The following CNTN4 variants were observed in gnomAD, a reference collection of about 807,000 sequenced individuals.
CNTN4 encodes contactin-4.
Under a neutral mutation model 122.5 loss-of-function variants are expected in CNTN4, and 77 were observed. The ratio of observed to expected loss-of-function variants is 0.63; its 90% confidence interval spans 0.52 to 0.76. The LOEUF is 0.76. Among genes scored for constraint, CNTN4 ranks in the 30% least tolerant of loss-of-function variants. CNTN4 has a pLI of 0.00. For missense variants in CNTN4, 1,256 were observed against 1,259.1 expected, an observed-to-expected ratio of 1.00 and a Z score of 0.04; for synonymous variants, 512 against 447.0, an observed-to-expected ratio of 1.15 and a Z score of -1.83.
chr3:2,937,917 G>T (rs12488436), intron 13 of CNTN4, among the ~76,000 whole-genome samples: 1 of 152,100 alleles, frequency 6.6e-6, no homozygotes, highest in Non-Finnish European at 1.5e-5. Flanking sequence ...GAAATGAGGG[G>T]AAGAGAGGGA....
chr3:2,188,269 A>C (rs527597053), intron 2 of CNTN4, among the ~76,000 whole-genome samples: 1 of 152,180 alleles, frequency 6.6e-6, no homozygotes, highest in Non-Finnish European at 1.5e-5. Context: ...GGTCCCTAAT[A>C]ATTTATCTTT....
At position 2,722,347 on chromosome 3, in the gene CNTN4, C is replaced by A. The variant is rs150763142; in HGVS notation, c.56-13868C>A. On this transcript the variant is annotated intron_variant, in intron 4 of 24. Coordinates refer to ENST00000418658, the MANE Select transcript of CNTN4 (RefSeq NM_175607.3). The stretch of plus-strand genomic sequence containing the variant: ...GTACATAGTGGGTACTCAGTAAATA[C>A]TTGTTGAATGAATGAAAGATGTTAA... 6.8e-4 allele frequency among the ~76,000 whole-genome samples: 104 copies of A among 152,246 alleles called. 1 individual carries two copies. The highest frequency in any genetic ancestry group is 2.3e-3 in the African/African-American group (97 of 41,548).
rs373252490 is a variant in CNTN4 at position 2,816,047 on chromosome 3, G to A, written c.359-3439G>A. On this transcript the variant is annotated intron_variant, in intron 6 of 24. Coordinates refer to ENST00000418658, the MANE Select transcript of CNTN4 (RefSeq NM_175607.3). ...TATGTGGGAGCTAAGCTATGAGGAC[G>A]CAAAGGCATAAAAATGATACAATGA... 2.0e-4 allele frequency among the ~76,000 whole-genome samples: 30 copies of A among 152,020 alleles called. No individual in the cohort carries two copies. In the South Asian group the frequency reaches 4.4e-3, roughly 22 times the overall value.
intron 3 of CNTN4, among the ~76,000 whole-genome samples, chr3:2,464,729 G>A (rs1194570342): frequency 6.6e-6 from 1 of 152,222 alleles, no homozygotes; most frequent in Non-Finnish European, 1.5e-5. Flanking sequence ...CTGCTGTAGA[G>A]GAAAGGCAAA....
chr3:2,242,510 C>T (rs1478186833), intron 2 of CNTN4, among the ~76,000 whole-genome samples: 1 of 152,104 alleles, frequency 6.6e-6, no homozygotes, highest in Non-Finnish European at 1.5e-5. Flanking sequence ...AAATGTGAAG[C>T]AGAGACACTT....
At chr3:2,230,146 T>C (rs2149538070) in intron 2 of CNTN4, among the ~76,000 whole-genome samples, 1 of 152,320 alleles carries the variant, frequency 6.6e-6, no homozygotes, top group East Asian at 1.9e-4. Flanking sequence ...ACAAATCAGC[T>C]GTCACCTGTC....
chr3:2,833,615 T>A (rs1028499209), intron 7 of CNTN4, among the ~76,000 whole-genome samples: 14 of 126,262 alleles, frequency 1.1e-4, no homozygotes, highest in Admixed American at 9.3e-4. Context: ...TTATGGTATT[T>A]TTTATTTTAA....
chr3:2,465,882 G>C (rs1389090998), intron 3 of CNTN4, among the ~76,000 whole-genome samples: 1 of 152,066 alleles, frequency 6.6e-6, no homozygotes, highest in Non-Finnish European at 1.5e-5. Context: ...ATAACATTTT[G>C]ATATGGAATA....
intron 4 of CNTN4, among the ~76,000 whole-genome samples, chr3:2,712,367 C>G (rs1052197300): frequency 2.0e-5 from 3 of 152,112 alleles, no homozygotes; most frequent in African/African-American, 7.2e-5. Context: ...CAGCAATGTG[C>G]TAGTTGCCAT....
chr3:2,905,209 T>A (rs2094216381), intron 12 of CNTN4, among the ~76,000 whole-genome samples: 1 of 152,238 alleles, frequency 6.6e-6, no homozygotes, highest in South Asian at 2.1e-4. Context: ...ATTTTTGATC[T>A]GAGCTCTTAA....
At chr3:2,778,991 C>CT (rs1461815632) in intron 6 of CNTN4, among the ~76,000 whole-genome samples, 2 of 152,204 alleles carry the variant, frequency 1.3e-5, no homozygotes, top group African/African-American at 4.8e-5. Context: ...AGCTCAGACT[C>CT]TTTACTGTGT....
At chr3:2,881,344 C>T (rs572265703) in intron 8 of CNTN4, among the ~76,000 whole-genome samples, 2 of 152,050 alleles carry the variant, frequency 1.3e-5, no homozygotes, top group African/African-American at 2.4e-5. Context: ...GAAACCTCAT[C>T]GCTACTAAAA....
chr3:2,453,737 A>G (rs1356325558), intron 3 of CNTN4, among the ~76,000 whole-genome samples: 1 of 152,162 alleles, frequency 6.6e-6, no homozygotes, highest in Admixed American at 6.6e-5. Flanking sequence ...TTCAGTTAAG[A>G]CTTTATTTAT....
At chr3:2,887,972 G>GA (rs1375482377) in intron 10 of CNTN4, among the ~76,000 whole-genome samples, 1 of 152,110 alleles carries the variant, frequency 6.6e-6, no homozygotes. Context: ...CTGGGATACA[G>GA]AAAACAAATA....
At chr3:2,250,159 A>G (rs1036508687) in intron 2 of CNTN4, among the ~76,000 whole-genome samples, 4 of 151,976 alleles carry the variant, frequency 2.6e-5, no homozygotes, top group South Asian at 2.1e-4. Context: ...ATGTAAAATC[A>G]TATTCACTTC....
intron 3 of CNTN4, among the ~76,000 whole-genome samples, chr3:2,349,287 C>CTTTTA (rs2044518546): frequency 6.6e-6 from 1 of 151,998 alleles, no homozygotes; most frequent in South Asian, 2.1e-4. Flanking sequence ...GCACTACTGC[C>CTTTTA]TTTTACATAA....
At chr3:2,823,894 T>G (rs2092929901) in intron 7 of CNTN4, among the ~76,000 whole-genome samples, 1 of 151,974 alleles carries the variant, frequency 6.6e-6, no homozygotes, top group South Asian at 2.1e-4. Flanking sequence ...ACCTGGAAAT[T>G]TGATAAAAAG....
intron 3 of CNTN4, among the ~76,000 whole-genome samples, chr3:2,544,429 C>T (rs2078157347): frequency 6.6e-6 from 1 of 152,090 alleles, no homozygotes; most frequent in South Asian, 2.1e-4. Context: ...AATCAGCAAA[C>T]ATTTTAAGCA....
At chr3:2,388,161 A>G (rs1163384941) in intron 3 of CNTN4, among the ~76,000 whole-genome samples, 1 of 152,220 alleles carries the variant, frequency 6.6e-6, no homozygotes, top group Non-Finnish European at 1.5e-5. Flanking sequence ...GGGAAGTTTC[A>G]TGCTGAAAGA....
Sources: allele counts gnomAD v4.1 joint callset (sites outside exome capture counted in the v4.1 genomes callset), GRCh38; gene constraint gnomAD v4.1.1; transcripts MANE v1.5; gene names NCBI Gene and HGNC (gene_info 2026-07-23, HGNC 2026-07-21).